The following NDRG2 variants were observed in gnomAD, a reference collection of about 807,000 sequenced individuals.
NDRG2 encodes NDRG family member 2.
In NDRG2, 34 loss-of-function variants were observed where a neutral mutation model predicts 58.2. That is an observed-to-expected ratio of 0.58 (90% CI 0.44 to 0.78). NDRG2 has a LOEUF of 0.78. Among genes scored for constraint, NDRG2 ranks in the 30% least tolerant of loss-of-function variants. The pLI, the probability that NDRG2 is intolerant of heterozygous loss-of-function variation, is 0.00. For missense variants in NDRG2, 434 were observed against 471.2 expected, an observed-to-expected ratio of 0.92 and a Z score of 0.73; for synonymous variants, 187 against 175.9, an observed-to-expected ratio of 1.06 and a Z score of -0.50.
intron 1 of NDRG2, among the ~76,000 whole-genome samples, chr14:21,057,256 G>A (rs1007519818): frequency 6.6e-6 from 1 of 152,078 alleles, no homozygotes; most frequent in African/African-American, 2.4e-5. Flanking sequence ...CCAACATGGA[G>A]AAACCCAGTC....
chr14:21,037,805 C>T (rs1272204124), intron 1 of NDRG2, among the ~76,000 whole-genome samples: 2 of 152,150 alleles, frequency 1.3e-5, no homozygotes, highest in Non-Finnish European at 2.9e-5. Context: ...TGATAGTTCA[C>T]CATTGAAACA....
chr14:21,065,857 G>A (rs1886234728), intron 1 of NDRG2, among the ~76,000 whole-genome samples: 1 of 152,222 alleles, frequency 6.6e-6, no homozygotes, highest in Non-Finnish European at 1.5e-5. Context: ...CCAACACTTA[G>A]GGAGGCCAAG....
chr14:21,028,418 A>AT (rs1215824016), upstream of NDRG2: 1 of 151,898 alleles, frequency 6.6e-6, no homozygotes, highest in African/African-American at 2.4e-5. Context: ...CTCCCAACTA[A>AT]TTTTTTTATT....
chr14:21,040,683 G>A lies in NDRG2; in HGVS notation c.25-17362C>T, dbSNP rs539616924. ...CTCCAGCCACACTGGACACACTGCT[G>A]TTCCTCCAACACCTCAGGCATCTGT... On this transcript the variant is annotated intron_variant, in intron 1 of 14. Transcript: ENST00000403829. Among the ~76,000 whole-genome samples, 4 of 152,316 alleles carry A rather than the reference G, an allele frequency of 2.6e-5. No homozygotes were observed. The East Asian group carries it at 5.8e-4, about 22-fold the overall frequency.
In NDRG2 at chr14:21,040,438, C is replaced by T. The variant is rs540168761; in HGVS notation, c.25-17117G>A. ...TAGAATCATAAATTCTGGACCAGAA[C>T]ACAAACTTTATGATCAGGATGGGTT... On this transcript the variant is annotated intron_variant, in intron 1 of 14. Coordinates refer to the NDRG2 transcript ENST00000403829. Among the ~76,000 whole-genome samples the T allele has an allele frequency of 4.6e-5, 7 of 152,334 alleles. No individual in the cohort carries two copies. The East Asian group carries it at 1.2e-3, about 25-fold the overall frequency.
intron 3 of NDRG2, 136 bp downstream of exon 3, chr14:21,022,728 A>C: frequency 1.3e-6 from 1 of 785,144 alleles, no homozygotes; most frequent in Non-Finnish European, 2.1e-6. Context: ...AGGAGAGGGG[A>C]GAGATAGGGA....
intron 1 of NDRG2, among the ~76,000 whole-genome samples, chr14:21,036,732 C>T (rs1056037788): frequency 6.6e-6 from 1 of 152,190 alleles, no homozygotes; most frequent in South Asian, 2.1e-4. Context: ...CGTTCCTCGC[C>T]CCCATCTATT....
intron 1 of NDRG2, among the ~76,000 whole-genome samples, chr14:21,066,225 G>C (rs916910583): frequency 6.6e-6 from 1 of 152,116 alleles, no homozygotes; most frequent in Admixed American, 6.5e-5. Context: ...GAAAAGAAAA[G>C]GAGAGATAGG....
rs1240092780 is a variant in NDRG2 at position 21,024,116 on chromosome 14, A to G, written c.-93T>C. 2 of 985,266 alleles carry G rather than the reference A, an allele frequency of 2.0e-6. No individual in the cohort carries two copies. The highest frequency in any genetic ancestry group is 6.2e-5 in the Admixed American group (1 of 16,254). 61.0% of individuals were successfully genotyped at this position (985,266 alleles called of 1,614,324 possible). A position where few individuals can be genotyped will look rare whatever the true frequency, so the allele number is the denominator to read the frequency against. ...TGGGGTCTGAGAAAACACAGCAACG[A>G]GGTGAATGACATGGGAGACAGACCT... On this transcript the variant is annotated 5_prime_UTR_variant, in exon 1 of 16. Transcript: ENST00000556147.
At chr14:21,025,424 C>T, upstream of NDRG2, 1 of 985,684 alleles carries the variant, frequency 1.0e-6, no homozygotes, top group African/African-American at 1.7e-5. This position sits in a 1 kb window ranked among gnomAD's most constrained non-coding sequence, Gnocchi z 5.1. Flanking sequence ...TGGCTCCTTC[C>T]TTCGCCCCCA....
chr14:21,059,047 G>T (rs964343976), intron 1 of NDRG2, among the ~76,000 whole-genome samples: 1 of 152,228 alleles, frequency 6.6e-6, no homozygotes, highest in African/African-American at 2.4e-5. Context: ...CCCCTTGAGG[G>T]CTCTCTGGTG....
At chr14:21,021,931 C>T (rs77868865) in intron 5 of NDRG2, 52 bp from the exon 6 acceptor site, 5 of 1,611,462 alleles carry the variant, frequency 3.1e-6, no homozygotes, top group Middle Eastern at 1.8e-4. Context: ...TCACACCCCC[C>T]ACCTCAGGAT....
At chr14:21,069,261 G>T (rs1020950143) in intron 1 of NDRG2, among the ~76,000 whole-genome samples, 1 of 152,182 alleles carries the variant, frequency 6.6e-6, no homozygotes, top group African/African-American at 2.4e-5. Context: ...GGACGCTCGG[G>T]GTTTGATGAG....
chr14:21,058,300 A>T (rs1258367412), intron 1 of NDRG2: 1 of 1,614,032 alleles, frequency 6.2e-7, no homozygotes, highest in Admixed American at 1.7e-5. Flanking sequence ...GTGACCCTCC[A>T]CAACAGGGTG....
At chr14:21,064,072 A>G (rs1323657247) in intron 1 of NDRG2, among the ~76,000 whole-genome samples, 1 of 152,194 alleles carries the variant, frequency 6.6e-6, no homozygotes, top group African/African-American at 2.4e-5. Flanking sequence ...TGCCCTCCAC[A>G]TATTGCCACA....
chr14:21,024,671 G>C lies in NDRG2; in HGVS notation c.-648C>G, dbSNP rs998285715. 13 of 985,220 alleles carry C rather than the reference G, an allele frequency of 1.3e-5. No individual in the cohort carries two copies. Among genetic ancestry groups the C allele is most frequent in the Admixed American group, 6.2e-5 (1 of 16,258 alleles). 61.0% of individuals were successfully genotyped at this position (985,220 alleles called of 1,614,324 possible). On this transcript the variant is annotated 5_prime_UTR_variant, in exon 1 of 16. Coordinates refer to ENST00000556147, the MANE Select transcript of NDRG2 (RefSeq NM_001320329.2). The stretch of plus-strand genomic sequence containing the variant: ...CCACAATCTTCTCCCGTTCTCCCCC[G>C]ACGGCCCGCGAAGGCAAGCGCCATC...
chr14:21,069,932 C>G (rs1285959270), intron 1 of NDRG2, among the ~76,000 whole-genome samples: 1 of 152,240 alleles, frequency 6.6e-6, no homozygotes, highest in African/African-American at 2.4e-5. Flanking sequence ...TCACGCACGC[C>G]CCAGCCTTTG....
At chr14:21,027,057 G>T (rs1199729132), upstream of NDRG2, among the ~76,000 whole-genome samples, 1 of 152,188 alleles carries the variant, frequency 6.6e-6, no homozygotes, top group Non-Finnish European at 1.5e-5. Context: ...GGGTCAGGAT[G>T]ACTCAGGGGG....
intron 1 of NDRG2, among the ~76,000 whole-genome samples, chr14:21,066,232 T>C (rs1459932449): frequency 1.3e-5 from 2 of 151,568 alleles, no homozygotes; most frequent in African/African-American, 2.4e-5. Context: ...AAAGGAGAGA[T>C]AGGCAGAAAA....
Sources: gnomAD v4.1 joint callset for allele counts (sites outside exome capture counted in the v4.1 genomes callset) on GRCh38, gnomAD v4.1.1 for gene constraint, Gnocchi (gnomAD v3.1) non-coding constraint, MANE v1.5 for transcripts, NCBI Gene and HGNC (gene_info 2026-07-23, HGNC 2026-07-21) for gene names.